Variants in DSCAM observed in about 807,000 individuals in gnomAD.
DSCAM encodes DS cell adhesion molecule.
Under a neutral mutation model 217.7 loss-of-function variants are expected in DSCAM, and 47 were observed. The observed-to-expected ratio is 0.22, with a 90% confidence interval of 0.17 to 0.28. The LOEUF is 0.28. DSCAM is among the 10% of genes least tolerant of loss of function. The pLI, the probability that DSCAM is intolerant of heterozygous loss-of-function variation, is 1.00. For synonymous variants in DSCAM, 1,056 were observed against 1,015.3 expected, an observed-to-expected ratio of 1.04 and a Z score of -0.76; for missense variants, 2,080 against 2,618.3, an observed-to-expected ratio of 0.79 and a Z score of 4.49.
chr21:40,815,736 A>G (rs570150556), intron 1 of DSCAM, among the ~76,000 whole-genome samples: 1 of 152,316 alleles, frequency 6.6e-6, no homozygotes, highest in East Asian at 1.9e-4. Context: ...GATTTAGGTT[A>G]TCATACTGTT....
intron 3 of DSCAM, among the ~76,000 whole-genome samples, chr21:40,662,458 A>T (rs1248844298): frequency 6.6e-6 from 1 of 152,234 alleles, no homozygotes. Context: ...CGCAAAGTCC[A>T]AATCTTAACA....
intron 3 of DSCAM, among the ~76,000 whole-genome samples, chr21:40,566,905 G>C (rs2076769000): frequency 6.6e-6 from 1 of 152,080 alleles, no homozygotes; most frequent in African/African-American, 2.4e-5. Context: ...TGAGACACAG[G>C]AAAGTGGGGA....
At chr21:40,565,128 C>G (rs1051212821) in intron 3 of DSCAM, among the ~76,000 whole-genome samples, 1 of 152,146 alleles carries the variant, frequency 6.6e-6, no homozygotes, top group Non-Finnish European at 1.5e-5. Flanking sequence ...TTCCAGTAGC[C>G]GAGGTACTGG....
At position 40,399,276 on chromosome 21, in the gene DSCAM, CAAAACAA is replaced by C. The variant is rs796083197; in HGVS notation, c.509-30038_509-30032del. 1.5e-3 allele frequency among the ~76,000 whole-genome samples: 205 copies of C among 139,818 alleles called. 1 individual carries two copies. The highest frequency in any genetic ancestry group is 5.3e-3 in the African/African-American group (186 of 34,892). 91.7% of individuals were successfully genotyped at this position (139,818 alleles called of 152,430 possible). A position where few individuals can be genotyped will look rare whatever the true frequency, so the allele number is the denominator to read the frequency against. On this transcript the variant is annotated intron_variant, in intron 3 of 32. Coordinates refer to ENST00000400454, the MANE Select transcript of DSCAM (RefSeq NM_001389.5). ...CAGAGGAAGACCCTGTCTCACAAAA[CAAAACAA>C]AACAAAACAAAACAAAACAAAACAA...
chr21:40,501,784 G>A (rs1267376816), intron 3 of DSCAM, among the ~76,000 whole-genome samples: 1 of 152,108 alleles, frequency 6.6e-6, no homozygotes, highest in African/African-American at 2.4e-5. Flanking sequence ...TAGAGACAGG[G>A]TTTCACCATG....
chr21:40,467,634 G>A (rs2075855659), intron 3 of DSCAM, among the ~76,000 whole-genome samples: 1 of 152,080 alleles, frequency 6.6e-6, no homozygotes, highest in Non-Finnish European at 1.5e-5. Context: ...AATTTGATAT[G>A]TCTTTGAGGG....
chr21:40,640,596 A>G (rs943232811), intron 3 of DSCAM, among the ~76,000 whole-genome samples: 2 of 151,972 alleles, frequency 1.3e-5, no homozygotes, highest in Non-Finnish European at 1.5e-5. Flanking sequence ...TGATGTGTGT[A>G]TAAGTGAGAG....
intron 1 of DSCAM, among the ~76,000 whole-genome samples, chr21:40,729,921 C>G (rs1027340145): frequency 1.3e-5 from 2 of 152,166 alleles, no homozygotes; most frequent in African/African-American, 2.4e-5. Context: ...GCCTATCACA[C>G]TAGAATGAAT....
chr21:40,726,867 T>C (rs1418351680), intron 1 of DSCAM, among the ~76,000 whole-genome samples: 1 of 152,000 alleles, frequency 6.6e-6, no homozygotes, highest in Non-Finnish European at 1.5e-5. Context: ...GATTAATTGA[T>C]TAGTGGGTGG....
At chr21:40,410,008 T>C (rs1335117292) in intron 3 of DSCAM, among the ~76,000 whole-genome samples, 1 of 152,030 alleles carries the variant, frequency 6.6e-6, no homozygotes, top group East Asian at 1.9e-4. Context: ...ATTATATATA[T>C]GGAGAAAAAT....
At chr21:40,348,186 AGC>A in intron 5 of DSCAM, among the ~76,000 whole-genome samples, 1 of 152,264 alleles carries the variant, frequency 6.6e-6, no homozygotes, top group Non-Finnish European at 1.5e-5. Flanking sequence ...AGTTCCTATC[AGC>A]CACATTATTG....
intron 1 of DSCAM, among the ~76,000 whole-genome samples, chr21:40,814,196 G>C (rs987950970): frequency 6.6e-6 from 1 of 152,218 alleles, no homozygotes; most frequent in Non-Finnish European, 1.5e-5. Context: ...TCCAGCATGG[G>C]CTGGGATGTG....
intron 3 of DSCAM, among the ~76,000 whole-genome samples, chr21:40,492,672 A>G (rs924299475): frequency 8.1e-6 from 1 of 122,808 alleles, no homozygotes; most frequent in Non-Finnish European, 1.6e-5. Context: ...AAGAAATTAT[A>G]TAATTAGAAC....
At chr21:40,427,194 T>C (rs2075483015) in intron 3 of DSCAM, among the ~76,000 whole-genome samples, 1 of 152,192 alleles carries the variant, frequency 6.6e-6, no homozygotes, top group Non-Finnish European at 1.5e-5. Flanking sequence ...CTGTCCCAGC[T>C]GACCAGACCA....
intron 19 of DSCAM, among the ~76,000 whole-genome samples, chr21:40,132,966 C>T (rs760982839): frequency 1.3e-5 from 2 of 152,102 alleles, no homozygotes; most frequent in Non-Finnish European, 2.9e-5. Flanking sequence ...AACAGAGTCC[C>T]GGCAAGAAGA....
chr21:40,493,010 G>C (rs886523639), intron 3 of DSCAM, among the ~76,000 whole-genome samples: 8 of 152,038 alleles, frequency 5.3e-5, no homozygotes, highest in African/African-American at 1.9e-4. Flanking sequence ...CAAAAATAAA[G>C]GGGTTCCAAT....
intron 11 of DSCAM, among the ~76,000 whole-genome samples, chr21:40,262,800 C>A (rs892424661): frequency 3.3e-5 from 5 of 152,222 alleles, no homozygotes; most frequent in African/African-American, 1.2e-4. Flanking sequence ...AGCTCAGAGG[C>A]TTGGCTGACT....
intron 1 of DSCAM, among the ~76,000 whole-genome samples, chr21:40,841,988 G>A (rs1382948957): frequency 6.6e-6 from 1 of 152,206 alleles, no homozygotes; most frequent in African/African-American, 2.4e-5. Flanking sequence ...CGGAGTTTGG[G>A]CGCAGTGAAC....
At chr21:40,845,556 T>TCC (rs1361884978) in intron 1 of DSCAM, among the ~76,000 whole-genome samples, 1 of 151,338 alleles carries the variant, frequency 6.6e-6, no homozygotes, top group African/African-American at 2.4e-5. Flanking sequence ...TCTCTCTCTC[T>TCC]CTCTCTCTCT....
Sources: allele counts gnomAD v4.1 joint callset (sites outside exome capture counted in the v4.1 genomes callset), GRCh38; gene constraint gnomAD v4.1.1; transcripts MANE v1.5; gene names NCBI Gene and HGNC (gene_info 2026-07-23, HGNC 2026-07-21).